The following CACNA1F variants were observed in gnomAD, a reference collection of about 807,000 sequenced individuals.
The protein encoded by CACNA1F is calcium voltage-gated channel subunit alpha1 F.
Under a neutral mutation model 143.8 loss-of-function variants are expected in CACNA1F, and 59 were observed. That is an observed-to-expected ratio of 0.41 (90% confidence interval 0.33 to 0.51). The LOEUF (loss-of-function observed/expected upper bound fraction) is 0.51, where lower values mean the gene tolerates loss of function less well. Ranked by LOEUF, CACNA1F falls within the 20% of genes least tolerant of loss-of-function variation. The pLI is 0.22. For synonymous variants in CACNA1F, 643 were observed against 649.1 expected (o/e 0.99, Z 0.14); for missense variants, 1,411 against 1,647.5 (o/e 0.86, Z 2.48).
chrX:49,211,280 C>A (rs1569527788), intron 36 of CACNA1F, 42 bp downstream of exon 36: 1 of 1,200,129 alleles, frequency 8.3e-7, no homozygotes, highest in East Asian at 3.0e-5. Flanking sequence ...TCAGGGCCAG[C>A]CCCCGTGACG....
rs1557110535 is a variant in CACNA1F at position 49,228,408 on chromosome X, G to A, written c.857C>T (p.Ser286Leu). The A allele has an allele frequency of 5.0e-6, 6 of 1,209,145 alleles. No homozygotes were observed. The East Asian group carries it at 8.9e-5, about 18-fold the overall frequency. Residue 286 changes from serine (S) to leucine (L), a missense_variant, in exon 7 of 48, where the codon TCG becomes TTG. Physicochemically the swap from Ser to Leu is moderately radical, Grantham distance 145 (BLOSUM62 -2). Coordinates refer to ENST00000323022, the MANE Select transcript of CACNA1F (RefSeq NM_001256789.3). ...CAGCGTGCACGCACGCCCTGATCCC[G>A]AAGACGCACAGGGCGATGGGTCCTC... ...AEEDPSPCAS[S>L]GSGRACTLNQ...
At chrX:49,207,360 C>T (rs903627102) in intron 43 of CACNA1F, among the ~76,000 whole-genome samples, 3 of 112,007 alleles carry the variant, frequency 2.7e-5, no homozygotes, top group Admixed American at 9.4e-5. Flanking sequence ...AGAGAGACAC[C>T]TTGAACACAA....
intron 42 of CACNA1F, 198 bp downstream of exon 42, chrX:49,209,064 C>T (rs1161519175): frequency 3.7e-5 from 17 of 453,787 alleles, no homozygotes; most frequent in East Asian, 2.8e-4. Context: ...AGGGTTCAAG[C>T]GATCCTTCCA....
intron 47 of CACNA1F, 64 bp from the exon 48 acceptor site, chrX:49,205,431 A>G: frequency 6.5e-6 from 6 of 924,623 alleles, no homozygotes; most frequent in Non-Finnish European, 9.2e-6. Context: ...TTCAGTGTGG[A>G]TAAATGACGT....
intron 14 of CACNA1F, among the ~76,000 whole-genome samples, chrX:49,223,998 C>T (rs1047234989): frequency 3.6e-5 from 4 of 111,309 alleles, no homozygotes; most frequent in Non-Finnish European, 7.5e-5. Flanking sequence ...TCCCAAAGTG[C>T]TGGGATTACA....
At chrX:49,220,332 C>T in intron 19 of CACNA1F, 141 bp downstream of exon 19, 1 of 505,907 alleles carries the variant, frequency 2.0e-6, no homozygotes. Flanking sequence ...ATGTTGCTGA[C>T]CACATACCAA....
In CACNA1F at chrX:49,211,334, G is replaced by A; in HGVS notation, c.4248C>T (p.Leu1416=). ...AAATGGTTCTCACCAGGAAGGCACA[G>A]AGCATGAAGAAGCTGATGAAATAGG... is the stretch of plus-strand genomic sequence containing the variant. The part of the protein sequence containing the change: ...AIAYFISFFM[L]CAFLIINLFV... Residue 1416 remains leucine (L), a synonymous_variant, in exon 36 of 48, where the codon CTC becomes CTT. Coordinates refer to ENST00000323022, the MANE Select transcript of CACNA1F (RefSeq NM_001256789.3). The A allele has an allele frequency of 8.3e-7, 1 of 1,211,363 alleles. No individual in the cohort carries two copies. Among genetic ancestry groups the A allele is most frequent in the Non-Finnish European group, 1.1e-6 (1 of 895,066 alleles).
rs1557110968 is a variant in CACNA1F at position 49,230,220 on chromosome X, C to T, written c.817G>A (p.Asp273Asn). The change falls in exon 6 of 48, where the codon GAC (aspartate) becomes AAC (asparagine). Residue 273 changes from aspartate (D) to asparagine (N), a missense_variant and splice_region_variant. Coordinates refer to ENST00000323022, the MANE Select transcript of CACNA1F (RefSeq NM_001256789.3). ...GCCTAGGAGGGGCGGGCAGACTAAC[C>T]GGATCCCAGGAAGTAGCACGTCTTG... The part of the protein sequence containing the change: ...MHKTCYFLGS[D>N]MEAEEDPSPC... The T allele has an allele frequency of 8.3e-7, 1 of 1,201,011 alleles. No homozygotes were observed. Among genetic ancestry groups the T allele is most frequent in the African/African-American group, 1.7e-5 (1 of 57,562 alleles).
chrX:49,215,048 G>T (rs1193879945), intron 29 of CACNA1F, 38 bp downstream of exon 29: 1 of 1,170,137 alleles, frequency 8.5e-7, no homozygotes, highest in Non-Finnish European at 1.2e-6. Context: ...AGATAATAGG[G>T]TCAGGAGTCT....
At position 49,215,432 on chromosome X, in the gene CACNA1F, G is replaced by T; in HGVS notation, c.3348C>A (p.Phe1116Leu). The change falls in exon 28 of 48, where the codon TTC becomes TTA. Residue 1116 changes from phenylalanine (F) to leucine (L), a missense_variant. This residue lies in a region of CACNA1F where 950 missense variants were observed against 1,128.1 expected (regional missense o/e 0.84). Transcript: ENST00000323022. ...CGAAGCCCACGAAGATGTTCATCAT[G>T]AAGAACGCAATGATGATGATGTAGA... ...FIVYIIIIAF[F>L]MMNIFVGFVI... is the part of the protein sequence containing the mutation. 2 of 1,206,259 alleles carry T rather than the reference G, an allele frequency of 1.7e-6. No individual in the cohort carries two copies. The highest frequency in any genetic ancestry group is 2.2e-6 in the Non-Finnish European group (2 of 890,853).
intron 43 of CACNA1F, among the ~76,000 whole-genome samples, chrX:49,208,038 A>T (rs782434991): frequency 9.3e-6 from 1 of 107,526 alleles, no homozygotes; most frequent in East Asian, 3.0e-4. Context: ...TACTGAAAAA[A>T]AAAAAAAAAA....
chrX:49,232,821 G>GT lies in CACNA1F; in HGVS notation c.25+463dup, dbSNP rs1243851091. 2.3e-3 allele frequency among the ~76,000 whole-genome samples: 238 copies of GT among 103,279 alleles called. 2 individuals carry two copies. Among genetic ancestry groups the GT allele is most frequent in the East Asian group, 7.2e-3 (24 of 3,313 alleles). 89.7% of individuals were successfully genotyped at this position (103,279 alleles called of 115,157 possible). A position where few individuals can be genotyped will look rare whatever the true frequency, so the allele number is the denominator to read the frequency against. On this transcript the variant is annotated intron_variant, in intron 1 of 47. Coordinates refer to ENST00000323022, the MANE Select transcript of CACNA1F (RefSeq NM_001256789.3). ...CTCTCTCTTTCTCTCTTTTGTTTTT[G>GT]TTTTTTTTTTTAAAGGGTCTGTGCA...
In CACNA1F at chrX:49,215,272, G is replaced by C. The variant is rs781833769; in HGVS notation, c.3439-28C>G. The C allele has an allele frequency of 7.5e-6, 9 of 1,207,659 alleles. No homozygotes were observed. In the East Asian group the frequency reaches 2.7e-4, roughly 36 times the overall value. On this transcript the variant is annotated intron_variant, in intron 28 of 47. Transcript: ENST00000323022. The stretch of plus-strand genomic sequence containing the variant: ...GCATACCAGGGCAGGGCATGAGTGA[G>C]CAGTGGGGTCCTGAGGCAAGGAGGG...
chrX:49,210,182 G>A (rs2065642314), intron 39 of CACNA1F, 119 bp downstream of exon 39: 1 of 686,495 alleles, frequency 1.5e-6, no homozygotes, highest in Middle Eastern at 3.5e-4. Flanking sequence ...GGGGAAACAG[G>A]CCTGGAGAAT....
In CACNA1F at chrX:49,228,266, G is replaced by A. The variant is rs368889583; in HGVS notation, c.999C>T (p.Thr333=). The change falls in exon 7 of 48, where the codon ACC becomes ACT. Residue 333 remains threonine, a synonymous_variant. Coordinates refer to ENST00000323022, the MANE Select transcript of CACNA1F (RefSeq NM_001256789.3). ...TCCACCTCACCCAGTAGAGCACATC[G>A]GTCCAGCCTTCCATGGTGACACACT... The part of the protein sequence containing the change: ...VFQCVTMEGW[T]DVLYWMQDAM... 11 of 1,210,020 alleles carry A rather than the reference G, an allele frequency of 9.1e-6. No homozygotes were observed. Among genetic ancestry groups the A allele is most frequent in the Admixed American group, 4.4e-5 (2 of 45,917 alleles).
At chrX:49,209,008 G>A (rs1374484714) in intron 42 of CACNA1F, 3 of 400,482 alleles carry the variant, frequency 7.5e-6, no homozygotes, top group Non-Finnish European at 1.3e-5. Flanking sequence ...AAATTTTTTT[G>A]TAGAGAGGCG....
intron 10 of CACNA1F, 24 bp from the exon 11 acceptor site, chrX:49,226,526 G>A: frequency 3.4e-6 from 4 of 1,167,160 alleles, no homozygotes; most frequent in Non-Finnish European, 4.6e-6. Flanking sequence ...GGGGATAGTG[G>A]TCAGGACCTG....
chrX:49,231,219 T>C lies in CACNA1F; in HGVS notation c.364A>G (p.Thr122Ala). Residue 122 changes from threonine to alanine, a missense_variant, in exon 3 of 48, where the codon ACT becomes GCT. Thr to Ala is a moderately conservative substitution (Grantham distance 58, BLOSUM62 0). Transcript: ENST00000323022. ...YIPFPEDDSN[T>A]ANHNLEQVEY... ...GGCCTTACCAGGTTGTGGTTGGCAG[T>C]GTTGGAGTCGTCCTCAGGGAAGGGG... 4 of 1,157,433 alleles carry C rather than the reference T, an allele frequency of 3.5e-6. No individual in the cohort carries two copies. Among genetic ancestry groups the C allele is most frequent in the Non-Finnish European group, 3.5e-6 (3 of 863,991 alleles).
rs139742315 is a variant in CACNA1F at position 49,214,860 on chromosome X, C to CT, written c.3597+225dup. On this transcript the variant is annotated intron_variant, in intron 29 of 47. Coordinates refer to ENST00000323022, the MANE Select transcript of CACNA1F (RefSeq NM_001256789.3). ...GGCAACTTACAATGGCCACTGGCTA[C>CT]TTTTTTTTTTTTTTCCACATTCTTA... Among the ~76,000 whole-genome samples, 8,038 of 102,914 alleles carry CT rather than the reference C, an allele frequency of 0.078. 281 individuals carry two copies. Among genetic ancestry groups the CT allele is most frequent in the Non-Finnish European group, 0.12 (5,872 of 50,036 alleles). The allele number at this position is 102,914 out of a possible 115,157, so 89.4% of individuals were successfully genotyped here.
Sources: gnomAD v4.1 joint callset for allele counts (sites outside exome capture counted in the v4.1 genomes callset) on GRCh38, gnomAD v4.1.1 for gene constraint, gnomAD v4.1.1 regional missense constraint, MANE v1.5 for transcripts, NCBI Gene and HGNC (gene_info 2026-07-23, HGNC 2026-07-21) for gene names.